CCSER1: variants seen among roughly 807,000 people sequenced by gnomAD.
CCSER1 encodes the protein serine-rich coiled-coil domain-containing protein 1.
CCSER1 carries 41 observed loss-of-function variants against 82.0 expected under a neutral mutation model. The observed-to-expected ratio is 0.50, with a 90% CI of 0.39 to 0.65. The LOEUF (loss-of-function observed/expected upper bound fraction) is 0.65, where lower values mean the gene tolerates loss of function less well. CCSER1 is among the 30% of genes least tolerant of loss of function. The pLI is 0.00. For missense variants in CCSER1, 1,119 were observed against 1,064.2 expected, an observed-to-expected ratio of 1.05 and a Z score of -0.72; for synonymous variants, 414 against 383.9, an observed-to-expected ratio of 1.08 and a Z score of -0.92.
chr4:90,228,513 G>A (rs1173379763), intron 1 of CCSER1, among the ~76,000 whole-genome samples: 1 of 152,076 alleles, frequency 6.6e-6, no homozygotes, highest in African/African-American at 2.4e-5. Context: ...AAACCACCAA[G>A]ATGGGGAAAA....
chr4:90,553,797 T>A (rs1777806358), intron 5 of CCSER1, among the ~76,000 whole-genome samples: 1 of 151,882 alleles, frequency 6.6e-6, no homozygotes, highest in Admixed American at 6.6e-5. Flanking sequence ...CAGACAGGAG[T>A]TCAACTACTT....
At chr4:90,659,401 G>A (rs1382120875) in intron 6 of CCSER1, among the ~76,000 whole-genome samples, 1 of 152,076 alleles carries the variant, frequency 6.6e-6, no homozygotes, top group Admixed American at 6.6e-5. Context: ...TAGTGGATAA[G>A]AATTGTACTT....
chr4:90,440,794 T>C (rs1398144621), intron 4 of CCSER1, among the ~76,000 whole-genome samples: 2 of 152,216 alleles, frequency 1.3e-5, no homozygotes, highest in Non-Finnish European at 2.9e-5. Context: ...TCTCTGTGAA[T>C]ATCTTTCTAT....
At chr4:91,161,348 C>T (rs1391600754) in intron 10 of CCSER1, among the ~76,000 whole-genome samples, 3 of 152,100 alleles carry the variant, frequency 2.0e-5, no homozygotes, top group Non-Finnish European at 2.9e-5. Context: ...ATGCTTCCAG[C>T]TTTGTTCTTT....
At chr4:91,503,570 G>C (rs1276679050) in intron 10 of CCSER1, among the ~76,000 whole-genome samples, 5 of 119,646 alleles carry the variant, frequency 4.2e-5, no homozygotes, top group Non-Finnish European at 9.4e-5. Context: ...TTCCTGTCTG[G>C]GGTCTTTTGG....
intron 1 of CCSER1, among the ~76,000 whole-genome samples, chr4:90,156,541 A>G (rs996360297): frequency 6.6e-6 from 1 of 152,142 alleles, no homozygotes; most frequent in African/African-American, 2.4e-5. Flanking sequence ...GACTTGCTTT[A>G]TGAATCTGGG....
chr4:91,042,316 C>T (rs923730382), intron 9 of CCSER1, among the ~76,000 whole-genome samples: 4 of 152,168 alleles, frequency 2.6e-5, no homozygotes, highest in Non-Finnish European at 5.9e-5. Context: ...GAGGTGCCTT[C>T]ATTCCCCTTC....
At chr4:90,411,332 T>A (rs1216417402) in intron 4 of CCSER1, among the ~76,000 whole-genome samples, 1 of 152,108 alleles carries the variant, frequency 6.6e-6, no homozygotes, top group East Asian at 1.9e-4. Flanking sequence ...AAAAGAGAAT[T>A]TGAGACCAAT....
intron 5 of CCSER1, among the ~76,000 whole-genome samples, chr4:90,496,941 G>GCA (rs1769101712): frequency 7.8e-6 from 1 of 128,824 alleles, no homozygotes; most frequent in Non-Finnish European, 1.5e-5. Flanking sequence ...TTGTGCCTCT[G>GCA]CACTCCAGCC....
At chr4:90,454,805 A>T (rs1325786511) in intron 4 of CCSER1, among the ~76,000 whole-genome samples, 3 of 152,196 alleles carry the variant, frequency 2.0e-5, no homozygotes, top group South Asian at 2.1e-4. Flanking sequence ...AAGCCTCTAT[A>T]TGCAAATGTC....
intron 10 of CCSER1, among the ~76,000 whole-genome samples, chr4:91,202,437 T>C (rs1007212010): frequency 2.6e-5 from 4 of 151,978 alleles, no homozygotes; most frequent in African/African-American, 9.7e-5. Flanking sequence ...TCTGTACCTC[T>C]AGGAACCTCT....
intron 9 of CCSER1, among the ~76,000 whole-genome samples, chr4:90,946,841 C>T (rs1004999279): frequency 6.6e-6 from 1 of 152,124 alleles, no homozygotes; most frequent in Admixed American, 6.6e-5. Context: ...TCAGAGTAAG[C>T]TAGATGGCAC....
At chr4:90,542,315 A>G (rs1776206638) in intron 5 of CCSER1, among the ~76,000 whole-genome samples, 1 of 152,100 alleles carries the variant, frequency 6.6e-6, no homozygotes, top group Admixed American at 6.6e-5. Context: ...AGATCCCATT[A>G]GGTTTGCGGA....
chr4:90,276,369 C>T (rs1158494653), intron 1 of CCSER1, among the ~76,000 whole-genome samples: 3 of 121,990 alleles, frequency 2.5e-5, no homozygotes, highest in Admixed American at 9.3e-5. Context: ...TTTTTGGAAA[C>T]GGAGTCTCAC....
At chr4:91,005,826 A>G (rs1001093039) in intron 9 of CCSER1, among the ~76,000 whole-genome samples, 1 of 152,160 alleles carries the variant, frequency 6.6e-6, no homozygotes, top group Non-Finnish European at 1.5e-5. Context: ...TATTGAAATG[A>G]TAGTTCTTTT....
At chr4:90,256,912 A>G (rs1179900819) in intron 1 of CCSER1, among the ~76,000 whole-genome samples, 2 of 152,020 alleles carry the variant, frequency 1.3e-5, no homozygotes, top group African/African-American at 4.8e-5. Flanking sequence ...TTGTTTTATA[A>G]TTATTATTAA....
At chr4:91,398,046 T>C (rs578116889) in intron 10 of CCSER1, among the ~76,000 whole-genome samples, 3 of 152,062 alleles carry the variant, frequency 2.0e-5, no homozygotes, top group African/African-American at 7.2e-5. Flanking sequence ...ATTACCTAGG[T>C]AGCAATGAGT....
intron 10 of CCSER1, among the ~76,000 whole-genome samples, chr4:91,189,750 A>C (rs1413756913): frequency 6.6e-6 from 1 of 152,162 alleles, no homozygotes. Context: ...TATTACATAT[A>C]TAACCTTACC....
chr4:90,552,092 A>G (rs2153641611), intron 5 of CCSER1, among the ~76,000 whole-genome samples: 1 of 152,280 alleles, frequency 6.6e-6, no homozygotes, highest in Middle Eastern at 3.4e-3. Flanking sequence ...AGCCCCATTC[A>G]CAAGGGAGGA....
Sources: gnomAD v4.1 joint callset for allele counts (sites outside exome capture counted in the v4.1 genomes callset) on GRCh38, gnomAD v4.1.1 for gene constraint, MANE v1.5 for transcripts, NCBI Gene and HGNC (gene_info 2026-07-23, HGNC 2026-07-21) for gene names.